Variants in UBA6 observed in about 807,000 individuals in gnomAD.
UBA6 encodes ubiquitin-like modifier-activating enzyme 6.
In UBA6, 87 loss-of-function variants were observed where a neutral mutation model predicts 148.3. The ratio of observed to expected loss-of-function variants is 0.59; its 90% CI spans 0.49 to 0.70. The LOEUF is 0.70. UBA6 is among the 30% of genes least tolerant of loss of function. UBA6 has a pLI of 0.00. For missense variants in UBA6, 1,186 were observed against 1,241.2 expected (o/e 0.96, Z 0.67); for synonymous variants, 376 against 401.0 (o/e 0.94, Z 0.75).
rs1257575870 is a variant in UBA6 at position 67,618,383 on chromosome 4, T to C, written c.*614A>G. On this transcript the variant is annotated 3_prime_UTR_variant, in exon 33 of 33. Coordinates refer to ENST00000322244, the MANE Select transcript of UBA6 (RefSeq NM_018227.6). ...TATTGCTCCTACAACACTGATGCTA[T>C]CAACAAAAATCCTGATTTTGGGGAC... is the stretch of plus-strand genomic sequence containing the variant. 1 of 152,692 alleles carries C rather than the reference T, an allele frequency of 6.5e-6. No individual in the cohort carries two copies. The highest frequency in any genetic ancestry group is 1.9e-4 in the East Asian group (1 of 5,192). The allele number at this position is 152,692 out of a possible 1,614,324, so 9.5% of individuals were successfully genotyped here.
At chr4:67,694,239 A>G (rs552886822) in intron 2 of UBA6, among the ~76,000 whole-genome samples, 14,485 of 141,048 alleles carry the variant, frequency 0.1, 975 homozygotes, top group South Asian at 0.18. Context: ...AAAAAAAAAA[A>G]AAAAAGAAAA....
intron 1 of UBA6, among the ~76,000 whole-genome samples, chr4:67,698,906 G>C (rs751649199): frequency 9.8e-4 from 149 of 152,160 alleles, no homozygotes; most frequent in Non-Finnish European, 1.5e-3. Context: ...GCTGCAGTGA[G>C]CCAAGATCCC....
Position 67,694,845 on chromosome 4 carries a change from T to C in UBA6, c.134+1800A>G, listed in dbSNP as rs17088566. Reference sequence around the variant, plus strand: ...CTTAAGGAAGATATTAAAACTCAAATATGCACATTGGTAAACAACTAGATG... The same window carrying C: ...CTTAAGGAAGATATTAAAACTCAAACATGCACATTGGTAAACAACTAGATG... On this transcript the variant is annotated intron_variant, in intron 2 of 32. Transcript: ENST00000322244. Among the ~76,000 whole-genome samples, 189 of 152,324 alleles carry C rather than the reference T, an allele frequency of 1.2e-3. 3 individuals are homozygous for C. In the East Asian group the frequency reaches 0.026, roughly 21 times the overall value.
At position 67,696,783 on chromosome 4, in the gene UBA6, C is replaced by G. The variant is rs1730850992; in HGVS notation, c.72-76G>C. 4 of 1,189,328 alleles carry G rather than the reference C, an allele frequency of 3.4e-6. No individual in the cohort carries two copies. The African/African-American group carries it at 6.2e-5, about 18-fold the overall frequency. The allele number at this position is 1,189,328 out of a possible 1,614,324, so 73.7% of individuals were successfully genotyped here. ...TTGATTACTTGTGTGATCAGATTCA[C>G]CAGTTACTAAAGGTTTTCACAAACC... is the stretch of plus-strand genomic sequence containing the variant. On this transcript the variant is annotated intron_variant, in intron 1 of 32. Transcript: ENST00000322244.
Position 67,631,879 on chromosome 4 carries a change from C to A in UBA6, c.2172G>T (p.Leu724=), listed in dbSNP as rs77075932. The change falls in exon 24 of 33, where the codon CTG becomes CTT. Residue 724 remains leucine (L), a synonymous_variant. Transcript: ENST00000322244. ...KALQLLHCFP[L]DIRLKDGSLF... ...TACTGCCATCTTTTAATCGTATGTC[C>A]AGAGGGAAACAGTGAAGAAGCTGAA... 221,306 of 1,609,860 alleles carry A rather than the reference C, an allele frequency of 0.14. 16,226 individuals carry two copies. The highest frequency in any genetic ancestry group is 0.23 in the Middle Eastern group (1,386 of 5,990).
intron 9 of UBA6, 143 bp from the exon 10 acceptor site, chr4:67,665,435 T>G (rs550669427): frequency 0.02 from 8,382 of 410,604 alleles, 258 homozygotes; most frequent in Admixed American, 0.17. Context: ...TTGTTTGTTT[T>G]TTTTTTTTTT....
intron 18 of UBA6, among the ~76,000 whole-genome samples, chr4:67,640,311 G>A (rs1033239020): frequency 6.6e-6 from 1 of 152,070 alleles, no homozygotes; most frequent in African/African-American, 2.4e-5. Flanking sequence ...AGTTCACAAC[G>A]GACCCTGTTA....
chr4:67,632,685 A>G (rs1330368993), intron 23 of UBA6, among the ~76,000 whole-genome samples: 1 of 152,102 alleles, frequency 6.6e-6, no homozygotes, highest in African/African-American at 2.4e-5. Flanking sequence ...GAAAGTAAAA[A>G]GAAGAAGTAT....
chr4:67,671,627 T>C (rs1730151815), intron 7 of UBA6, among the ~76,000 whole-genome samples: 1 of 152,188 alleles, frequency 6.6e-6, no homozygotes, highest in African/African-American at 2.4e-5. Flanking sequence ...CATGCTTAAA[T>C]TGTAAACCAC....
intron 2 of UBA6, among the ~76,000 whole-genome samples, chr4:67,693,245 T>A (rs547552819): frequency 2.0e-5 from 3 of 152,258 alleles, no homozygotes; most frequent in African/African-American, 7.2e-5. Context: ...CAGTTCCATC[T>A]AATGAACAAT....
At chr4:67,638,899 A>T in intron 19 of UBA6, 44 bp downstream of exon 19, 1 of 1,446,652 alleles carries the variant, frequency 6.9e-7, no homozygotes, top group Non-Finnish European at 9.5e-7. Flanking sequence ...ACAGAAGTGA[A>T]AACTAAAGAC....
intron 8 of UBA6, among the ~76,000 whole-genome samples, chr4:67,669,988 AC>A (rs1368557149): frequency 6.6e-6 from 1 of 152,156 alleles, no homozygotes; most frequent in African/African-American, 2.4e-5. Context: ...TCACTGGGTC[AC>A]CCAGGCTGGA....
chr4:67,633,885 T>C (rs1729060430), intron 22 of UBA6, among the ~76,000 whole-genome samples: 1 of 152,130 alleles, frequency 6.6e-6, no homozygotes. Flanking sequence ...TTGGAGATTA[T>C]TGTTCCCTCA....
At chr4:67,659,399 T>C (rs1454990785) in intron 13 of UBA6, among the ~76,000 whole-genome samples, 1 of 152,066 alleles carries the variant, frequency 6.6e-6, no homozygotes, top group Non-Finnish European at 1.5e-5. Flanking sequence ...CCCATGCTGT[T>C]CTGATGATAG....
At chr4:67,658,709 T>C (rs865837460) in intron 13 of UBA6, among the ~76,000 whole-genome samples, 1 of 152,070 alleles carries the variant, frequency 6.6e-6, no homozygotes, top group Non-Finnish European at 1.5e-5. Flanking sequence ...GAAATGAACA[T>C]GTAACAAAAT....
intron 27 of UBA6, among the ~76,000 whole-genome samples, chr4:67,628,792 T>C (rs538997414): frequency 5.9e-5 from 9 of 152,064 alleles, no homozygotes; most frequent in Non-Finnish European, 1.0e-4. Flanking sequence ...ATATATCTAA[T>C]TTTTAATACC....
intron 1 of UBA6, 135 bp downstream of exon 1, chr4:67,700,914 C>G: frequency 9.2e-7 from 1 of 1,081,250 alleles, no homozygotes; most frequent in East Asian, 2.6e-5. Context: ...GCGCGCGCCC[C>G]TCGCCTCCCA....
chr4:67,629,014 T>C (rs1337239853), intron 27 of UBA6, 57 bp downstream of exon 27: 1 of 1,222,148 alleles, frequency 8.2e-7, no homozygotes, highest in African/African-American at 1.5e-5. Context: ...AGAATGGGAC[T>C]TGGTACAAGT....
At position 67,682,177 on chromosome 4, in the gene UBA6, C is replaced by T; in HGVS notation, c.171G>A (p.Gln57=). The T allele has an allele frequency of 1.9e-6, 3 of 1,613,954 alleles. No individual in the cohort carries two copies. The highest frequency in any genetic ancestry group is 2.5e-6 in the Non-Finnish European group (3 of 1,179,888). Reference sequence around the variant, plus strand: ...AGAAAACATGGGACTTGGCCATCTTCTGCATTGCTGTGTCTCCAAGAACGT... The same window carrying T: ...AGAAAACATGGGACTTGGCCATCTTTTGCATTGCTGTGTCTCCAAGAACGT... ...QRYVLGDTAM[Q]KMAKSHVFLS... is the part of the protein sequence containing the mutation. Residue 57 remains glutamine, a synonymous_variant, in exon 3 of 33, where the codon CAG becomes CAA. Transcript: ENST00000322244.
Sources: gnomAD v4.1 joint callset for allele counts (sites outside exome capture counted in the v4.1 genomes callset) on GRCh38, gnomAD v4.1.1 for gene constraint, MANE v1.5 for transcripts, NCBI Gene and HGNC (gene_info 2026-07-23, HGNC 2026-07-21) for gene names.